NDUFV2: variants seen among roughly 807,000 people sequenced by gnomAD.
NDUFV2 encodes NADH dehydrogenase [ubiquinone] flavoprotein 2, mitochondrial.
Under a neutral mutation model 31.6 loss-of-function variants are expected in NDUFV2, and 18 were observed. The ratio of observed to expected loss-of-function variants is 0.57; its 90% confidence interval spans 0.39 to 0.84. The LOEUF (loss-of-function observed/expected upper bound fraction) is 0.84, where lower values mean the gene tolerates loss of function less well. Among genes scored for constraint, NDUFV2 ranks in the 40% least tolerant of loss-of-function variants. NDUFV2 has a pLI of 0.00. For missense variants in NDUFV2, 314 were observed against 303.6 expected, an observed-to-expected ratio of 1.03 and a Z score of -0.26; for synonymous variants, 83 against 99.8, an observed-to-expected ratio of 0.83 and a Z score of 1.01.
chr18:9,119,388 G>A lies in NDUFV2; in HGVS notation c.183G>A (p.Lys61=). Residue 61 remains lysine, a splice_region_variant and synonymous_variant, in exon 3 of 8, where the codon AAG becomes AAA. Coordinates refer to ENST00000318388, the MANE Select transcript of NDUFV2 (RefSeq NM_021074.5). ...TTGATTTCACACCAGAAAACTATAA[G>A]GTATGGCTAAATTAACATTATAATT... ...TPFDFTPENY[K]RIEAIVKNYP... 1.9e-6 allele frequency: 3 copies of A among 1,608,564 alleles called. No individual in the cohort carries two copies. The highest frequency in any genetic ancestry group is 2.6e-6 in the Non-Finnish European group (3 of 1,175,120).
intron 7 of NDUFV2, among the ~76,000 whole-genome samples, chr18:9,133,916 C>T (rs1015102254): frequency 1.2e-4 from 19 of 152,116 alleles, no homozygotes; most frequent in Admixed American, 1.2e-3. Flanking sequence ...ATTCAATGAG[C>T]TAGTGTATGC....
At chr18:9,105,152 A>G (rs2077835338) in intron 1 of NDUFV2, among the ~76,000 whole-genome samples, 3 of 152,244 alleles carry the variant, frequency 2.0e-5, no homozygotes, top group Admixed American at 2.0e-4. Context: ...GAGATTTCAC[A>G]TTAAACCTAG....
At chr18:9,127,140 A>T (rs1215414154) in intron 7 of NDUFV2, among the ~76,000 whole-genome samples, 1 of 152,216 alleles carries the variant, frequency 6.6e-6, no homozygotes, top group East Asian at 1.9e-4. Context: ...TACAAATAGA[A>T]ATCTATTCCA....
chr18:9,134,158 A>G, intron 7 of NDUFV2, 28 bp from the exon 8 acceptor site: 1 of 1,537,586 alleles, frequency 6.5e-7, no homozygotes, highest in South Asian at 1.1e-5. Flanking sequence ...GTTAATCATT[A>G]ATAGTTTAAT....
At chr18:9,106,889 C>A (rs1446965049) in intron 1 of NDUFV2, among the ~76,000 whole-genome samples, 4 of 125,540 alleles carry the variant, frequency 3.2e-5, no homozygotes, top group African/African-American at 1.2e-4. Context: ...AAGTCTAGTT[C>A]TTATATCACA....
At chr18:9,112,026 T>TG (rs1000982079) in intron 1 of NDUFV2, among the ~76,000 whole-genome samples, 2 of 149,776 alleles carry the variant, frequency 1.3e-5, no homozygotes, top group African/African-American at 2.5e-5. Context: ...GGTTTTTTTT[T>TG]TTTTTTTTTT....
Position 9,124,943 on chromosome 18 carries a change from G to A in NDUFV2, c.539G>A (p.Cys180Tyr). ...TLIEVECLGA[C>Y]VNAPMVQIND... ...ATAGAAGTGGAATGTTTAGGGGCCTGTGTGAACGCACCAATGGTTCAAATA... is the reference window on the plus strand; with the variant it reads ...ATAGAAGTGGAATGTTTAGGGGCCTATGTGAACGCACCAATGGTTCAAATA... Residue 180 changes from cysteine to tyrosine, a missense_variant, in exon 6 of 8, where the codon TGT (cysteine) becomes TAT (tyrosine). By Grantham distance (194) the Cys-to-Tyr change is radical (BLOSUM62 -2). Coordinates refer to ENST00000318388, the MANE Select transcript of NDUFV2 (RefSeq NM_021074.5). 6.2e-7 allele frequency: 1 copy of A among 1,613,634 alleles called. No individual in the cohort carries two copies. The highest frequency in any genetic ancestry group is 8.5e-7 in the Non-Finnish European group (1 of 1,179,744).
Position 9,122,620 on chromosome 18 carries a change from T to C in NDUFV2, c.408T>C (p.Thr136=). 6.2e-7 allele frequency: 1 copy of C among 1,614,038 alleles called. No individual in the cohort carries two copies. Among genetic ancestry groups the C allele is most frequent in the Non-Finnish European group, 8.5e-7 (1 of 1,179,940 alleles). ...GAAAGTATCACATTCAGGTCTGCAC[T>C]ACTACACCCTGCATGCTTCGAAACT... ...PVGKYHIQVC[T]TTPCMLRNSD... The change falls in exon 5 of 8, where the codon ACT becomes ACC. Residue 136 remains threonine, a synonymous_variant. Coordinates refer to ENST00000318388, the MANE Select transcript of NDUFV2 (RefSeq NM_021074.5).
chr18:9,102,740 C>A lies in NDUFV2; in HGVS notation c.-4C>A, dbSNP rs201985522. Reference sequence around the variant, plus strand: ...GCTGGGGAAGGTGAACAGTGTGGCCCGCCATGTTCTTCTCCGCGGCGCTCC... The same window carrying A: ...GCTGGGGAAGGTGAACAGTGTGGCCAGCCATGTTCTTCTCCGCGGCGCTCC... On this transcript the variant is annotated 5_prime_UTR_variant, in exon 1 of 8. Coordinates refer to ENST00000318388, the MANE Select transcript of NDUFV2 (RefSeq NM_021074.5). The A allele has an allele frequency of 2.5e-6, 4 of 1,587,560 alleles. No individual in the cohort carries two copies. Among genetic ancestry groups the A allele is most frequent in the African/African-American group, 2.7e-5 (2 of 74,056 alleles).
intron 1 of NDUFV2, among the ~76,000 whole-genome samples, chr18:9,109,524 A>G (rs1159833445): frequency 6.6e-6 from 1 of 152,248 alleles, no homozygotes; most frequent in African/African-American, 2.4e-5. Flanking sequence ...AGTAGAGCCC[A>G]TGAAAAGACA....
intron 7 of NDUFV2, among the ~76,000 whole-genome samples, chr18:9,132,988 T>C (rs900148136): frequency 1.3e-5 from 2 of 152,236 alleles, no homozygotes; most frequent in Non-Finnish European, 2.9e-5. Context: ...CAGTATACAA[T>C]GACTGCTTTT....
intron 1 of NDUFV2, among the ~76,000 whole-genome samples, chr18:9,114,375 C>G (rs1027366980): frequency 6.7e-6 from 1 of 149,448 alleles, no homozygotes; most frequent in South Asian, 2.1e-4. Context: ...GACAGTAACT[C>G]TTTGATAAAG....
intron 4 of NDUFV2, 53 bp from the exon 5 acceptor site, chr18:9,122,460 G>C: frequency 7.0e-7 from 1 of 1,438,420 alleles, no homozygotes; most frequent in Non-Finnish European, 9.8e-7. Flanking sequence ...CATAATTAAA[G>C]CTCCATTACT....
chr18:9,119,057 T>G (rs1270371721), intron 2 of NDUFV2, among the ~76,000 whole-genome samples: 2 of 152,148 alleles, frequency 1.3e-5, no homozygotes, highest in Non-Finnish European at 2.9e-5. Flanking sequence ...TAACACTTTT[T>G]GTTGTTTGGG....
intron 1 of NDUFV2, among the ~76,000 whole-genome samples, chr18:9,108,773 C>T (rs1182570360): frequency 1.3e-5 from 2 of 150,374 alleles, no homozygotes; most frequent in East Asian, 3.9e-4. Context: ...TCACTGCAAC[C>T]TCTGCCTCCC....
chr18:9,113,878 C>T (rs1008609909), intron 1 of NDUFV2, among the ~76,000 whole-genome samples: 10 of 152,110 alleles, frequency 6.6e-5, no homozygotes, highest in African/African-American at 9.7e-5. Flanking sequence ...AGAGTCTTGC[C>T]GAAGCTCCCG....
At chr18:9,103,700 C>T (rs907802063) in intron 1 of NDUFV2, 4 of 155,998 alleles carry the variant, frequency 2.6e-5, no homozygotes, top group African/African-American at 9.6e-5. Flanking sequence ...CCTTTTGTGG[C>T]TCTATGACTT....
intron 1 of NDUFV2, among the ~76,000 whole-genome samples, chr18:9,112,050 G>A (rs866084847): frequency 8.2e-6 from 1 of 122,470 alleles, no homozygotes; most frequent in Non-Finnish European, 1.6e-5. Flanking sequence ...AGAGAATCTC[G>A]CTCTGTCGCC....
intron 5 of NDUFV2, 114 bp downstream of exon 5, chr18:9,122,795 C>T (rs374575323): frequency 1.0e-6 from 1 of 995,520 alleles, no homozygotes; most frequent in Non-Finnish European, 1.5e-6. Flanking sequence ...TCTGTACTTA[C>T]CTAGTAATAT....
Sources: gnomAD v4.1 joint callset for allele counts (sites outside exome capture counted in the v4.1 genomes callset) on GRCh38, gnomAD v4.1.1 for gene constraint, MANE v1.5 for transcripts, NCBI Gene and HGNC (gene_info 2026-07-23, HGNC 2026-07-21) for gene names.